The following PCCA variants were observed in gnomAD, a reference collection of about 807,000 sequenced individuals.
The protein encoded by PCCA is propionyl-CoA carboxylase subunit alpha.
A neutral mutation model predicts 101.3 loss-of-function variants in PCCA; 74 were observed. That is an observed-to-expected ratio of 0.73 (90% CI 0.61 to 0.89). PCCA has a LOEUF of 0.89. Ranked by LOEUF, PCCA falls within the 40% of genes least tolerant of loss-of-function variation. The probability of loss-of-function intolerance (pLI) is 0.00; values close to 1 mark genes in which losing one functional copy is unlikely to be tolerated. For synonymous variants in PCCA, 294 were observed against 313.6 expected (o/e 0.94, Z 0.66); for missense variants, 891 against 907.0 (o/e 0.98, Z 0.23).
intron 18 of PCCA, among the ~76,000 whole-genome samples, chr13:100,354,921 T>C (rs2073807171): frequency 6.6e-6 from 1 of 152,166 alleles, no homozygotes; most frequent in African/African-American, 2.4e-5. Context: ...GAAAATTACT[T>C]AATACTAATC....
chr13:100,362,403 C>A (rs1301548336), intron 18 of PCCA, among the ~76,000 whole-genome samples: 1 of 152,218 alleles, frequency 6.6e-6, no homozygotes, highest in South Asian at 2.1e-4. Flanking sequence ...AAACACTACT[C>A]TAAGCATTTT....
chr13:100,279,771 G>A (rs902683212), intron 12 of PCCA, among the ~76,000 whole-genome samples: 11 of 152,072 alleles, frequency 7.2e-5, no homozygotes, highest in Non-Finnish European at 1.3e-4. Context: ...ACCGCGCCTG[G>A]CCCAAGTGTT....
intron 12 of PCCA, among the ~76,000 whole-genome samples, chr13:100,280,190 T>G (rs1458531493): frequency 6.6e-6 from 1 of 152,198 alleles, no homozygotes; most frequent in Non-Finnish European, 1.5e-5. Flanking sequence ...GGTCACAGTT[T>G]ATGTAACTGA....
chr13:100,213,180 A>T (rs2059326570), intron 7 of PCCA, among the ~76,000 whole-genome samples: 1 of 152,132 alleles, frequency 6.6e-6, no homozygotes, highest in South Asian at 2.1e-4. Context: ...GCTATTGTGG[A>T]TAGTGTTGTG....
At chr13:100,527,862 C>T (rs890884152) in intron 23 of PCCA, 110 bp downstream of exon 23, 195 of 815,934 alleles carry the variant, frequency 2.4e-4, no homozygotes, top group Middle Eastern at 4.8e-4. Context: ...CCCTCTCCCC[C>T]TCGCTTCTAC....
intron 21 of PCCA, among the ~76,000 whole-genome samples, chr13:100,493,163 C>T (rs1481031919): frequency 1.3e-5 from 2 of 152,218 alleles, no homozygotes; most frequent in Non-Finnish European, 2.9e-5. Flanking sequence ...CACCCCAGCT[C>T]CTACACCTGC....
At chr13:100,262,110 A>G (rs1432775617) in intron 9 of PCCA, among the ~76,000 whole-genome samples, 1 of 152,114 alleles carries the variant, frequency 6.6e-6, no homozygotes, top group Admixed American at 6.6e-5. Context: ...TATCATATTT[A>G]GGCTGGGCAC....
chr13:100,345,784 G>A lies in PCCA; in HGVS notation c.1643+5525G>A, dbSNP rs566249542. 4.7e-4 allele frequency among the ~76,000 whole-genome samples: 71 copies of A among 152,174 alleles called. 1 individual carries two copies. The highest frequency in any genetic ancestry group is 3.4e-3 in the Middle Eastern group (1 of 294). ...AAGAACCAGCTGACTCTCTTGGTAG[G>A]GGCTAATGCAACTGATGACTTGAAG... On this transcript the variant is annotated intron_variant, in intron 18 of 23. Transcript: ENST00000376285.
At chr13:100,395,871 C>T (rs906516125) in intron 19 of PCCA, among the ~76,000 whole-genome samples, 1 of 152,104 alleles carries the variant, frequency 6.6e-6, no homozygotes, top group African/African-American at 2.4e-5. Flanking sequence ...AGTAACAAAT[C>T]ACAGCAATCA....
At chr13:100,180,882 T>C (rs955174538) in intron 6 of PCCA, among the ~76,000 whole-genome samples, 1 of 152,226 alleles carries the variant, frequency 6.6e-6, no homozygotes, top group Non-Finnish European at 1.5e-5. Flanking sequence ...GTCAGGATCA[T>C]TTTATCTTCC....
chr13:100,276,320 C>G (rs552141469), intron 12 of PCCA, among the ~76,000 whole-genome samples: 1 of 151,280 alleles, frequency 6.6e-6, no homozygotes, highest in Non-Finnish European at 1.5e-5. Flanking sequence ...TGAGACTTCC[C>G]CACTCATTCT....
chr13:100,138,322 A>G (rs1385705450), intron 4 of PCCA, among the ~76,000 whole-genome samples: 2 of 152,088 alleles, frequency 1.3e-5, no homozygotes, highest in East Asian at 3.9e-4. Context: ...CCTATGGTCT[A>G]TTGAAAATTC....
At chr13:100,528,935 C>T (rs2088119907) in intron 23 of PCCA, among the ~76,000 whole-genome samples, 1 of 152,108 alleles carries the variant, frequency 6.6e-6, no homozygotes, top group Non-Finnish European at 1.5e-5. Flanking sequence ...TGCCAAGGGC[C>T]CTGTGCGGCA....
chr13:100,523,976 G>A (rs560161662), intron 22 of PCCA, among the ~76,000 whole-genome samples: 7 of 152,356 alleles, frequency 4.6e-5, no homozygotes, highest in Non-Finnish European at 7.3e-5. Context: ...CCCTCTCTGT[G>A]CACCCAATTA....
intron 21 of PCCA, among the ~76,000 whole-genome samples, chr13:100,502,235 T>C (rs1430093146): frequency 6.6e-6 from 1 of 152,070 alleles, no homozygotes; most frequent in African/African-American, 2.4e-5. Flanking sequence ...GCATTATGAG[T>C]GTATAGTGGA....
At chr13:100,516,456 T>C (rs960665477) in intron 22 of PCCA, among the ~76,000 whole-genome samples, 2 of 152,200 alleles carry the variant, frequency 1.3e-5, no homozygotes, top group Non-Finnish European at 2.9e-5. Context: ...TAGAAAAGTA[T>C]TTGCAATAAA....
intron 22 of PCCA, among the ~76,000 whole-genome samples, chr13:100,518,793 C>T (rs1436240029): frequency 6.6e-6 from 1 of 152,172 alleles, no homozygotes; most frequent in Non-Finnish European, 1.5e-5. Flanking sequence ...TTTGAAAACT[C>T]GTTTTCTTAG....
intron 4 of PCCA, among the ~76,000 whole-genome samples, chr13:100,126,565 G>C (rs1387037943): frequency 6.6e-6 from 1 of 151,984 alleles, no homozygotes; most frequent in Non-Finnish European, 1.5e-5. Context: ...TTGCTGTAGC[G>C]GGGGGTCTCT....
rs796835391 is a variant in PCCA at position 100,409,028 on chromosome 13, G to A, written c.1747-16605G>A. 4.6e-4 allele frequency among the ~76,000 whole-genome samples: 70 copies of A among 152,148 alleles called. 2 individuals are homozygous for A. The South Asian group carries it at 0.013, about 29-fold the overall frequency. On this transcript the variant is annotated intron_variant, in intron 19 of 23. Transcript: ENST00000376285. The stretch of plus-strand genomic sequence containing the variant: ...GGGAAGGGGAAGGCTCCAGTGGCTC[G>A]TGGCAGAAAATGCCAGCCAGCCACC...
Sources: allele counts gnomAD v4.1 joint callset (sites outside exome capture counted in the v4.1 genomes callset), GRCh38; gene constraint gnomAD v4.1.1; transcripts MANE v1.5; gene names NCBI Gene and HGNC (gene_info 2026-07-23, HGNC 2026-07-21).